The following SIK3 variants were observed in gnomAD, a reference collection of about 807,000 sequenced individuals.
SIK3 encodes SIK family kinase 3, also known as serine/threonine-protein kinase SIK3.
In SIK3, 28 loss-of-function variants were observed where a neutral mutation model predicts 144.2. That is an observed-to-expected ratio of 0.19 (90% confidence interval 0.14 to 0.27). SIK3 has a LOEUF of 0.27. Among genes scored for constraint, SIK3 ranks in the 10% least tolerant of loss-of-function variants. The pLI, the probability that SIK3 is intolerant of heterozygous loss-of-function variation, is 1.00. For synonymous variants in SIK3, 686 were observed against 676.3 expected (o/e 1.01, Z -0.22); for missense variants, 1,319 against 1,776.0 (o/e 0.74, Z 4.62).
At position 117,059,410 on chromosome 11, in the gene SIK3, C is replaced by G. The variant is rs183904673; in HGVS notation, c.273+38733G>C. Among the ~76,000 whole-genome samples, 633 of 123,196 alleles carry G rather than the reference C, an allele frequency of 5.1e-3. 4 individuals are homozygous for G. The highest frequency in any genetic ancestry group is 7.7e-3 in the Non-Finnish European group (369 of 47,820). 80.8% of individuals were successfully genotyped at this position (123,196 alleles called of 152,430 possible). ...TGTCTTGCTAAAAACAAAGCTTAAT[C>G]TATTTGTTTAGCCAAATAATTTTCA... is the stretch of plus-strand genomic sequence containing the variant. On this transcript the variant is annotated intron_variant, in intron 1 of 24. Coordinates refer to ENST00000445177, the MANE Select transcript of SIK3 (RefSeq NM_001366686.3).
At chr11:116,976,466 C>T (rs949059072) in intron 1 of SIK3, among the ~76,000 whole-genome samples, 1 of 152,254 alleles carries the variant, frequency 6.6e-6, no homozygotes, top group Non-Finnish European at 1.5e-5. Context: ...TATTCCAGCA[C>T]TGTTTGGTGA....
At position 116,862,310 on chromosome 11, in the gene SIK3, C is replaced by T. The variant is rs746082249; in HGVS notation, c.2121G>A (p.Gln707=). The change falls in exon 17 of 25, where the codon CAG becomes CAA. Residue 707 remains glutamine, a synonymous_variant. Transcript: ENST00000445177. Reference sequence around the variant, plus strand: ...CATCAATCTGCCCCCCGTACATCTTCTGCAGCTGCTCACACTCCTGAAGGG... The same window carrying T: ...CATCAATCTGCCCCCCGTACATCTTTTGCAGCTGCTCACACTCCTGAAGGG... ...KQLQQECEQL[Q]KMYGGQIDER... 1.9e-6 allele frequency: 3 copies of T among 1,614,208 alleles called. No homozygotes were observed. The Admixed American group carries it at 5.0e-5, about 27-fold the overall frequency.
At chr11:117,002,893 A>G (rs1421682010) in intron 1 of SIK3, among the ~76,000 whole-genome samples, 1 of 152,226 alleles carries the variant, frequency 6.6e-6, no homozygotes, top group African/African-American at 2.4e-5. Context: ...CTGTGAAATG[A>G]GGTGGAAGTT....
In SIK3 at chr11:116,849,156, CTGGAGGGCCCGGGGCCTGTGGTGCTCA is replaced by C. The variant is rs769801263; in HGVS notation, c.3756_3782del (p.His1252_Leu1260del). 4 of 1,611,564 alleles carry C rather than the reference CTGGAGGGCCCGGGGCCTGTGGTGCTCA, an allele frequency of 2.5e-6. No homozygotes were observed. In the Admixed American group the frequency reaches 6.7e-5, roughly 27 times the overall value. The stretch of plus-strand genomic sequence containing the variant: ...CGCTGTTCTGGATCGTGTGGTGTCT[CTGGAGGGCCCGGGGCCTGTGGTGCTCA>C]TGGACGGAGGGGCGTGCTGGGTACC... On this transcript the variant is annotated inframe_deletion, in exon 22 of 25. Transcript: ENST00000445177. The surrounding 1 kb of genome is among the most constrained non-coding windows in gnomAD (Gnocchi z 4.2).
chr11:116,911,264 T>C (rs1243115435), intron 4 of SIK3, among the ~76,000 whole-genome samples: 2 of 152,160 alleles, frequency 1.3e-5, no homozygotes, highest in African/African-American at 4.8e-5. Context: ...TCCCAGCACT[T>C]TGGGAGGCCG....
chr11:116,899,549 T>C lies in SIK3; in HGVS notation c.617-2232A>G, dbSNP rs1037777556. On this transcript the variant is annotated intron_variant, in intron 4 of 24. Transcript: ENST00000445177. ...AGTAGTTTATTCAAAAGGAAGAATA[T>C]GCAACTTATTTACAAACTGAAGCAA... Among the ~76,000 whole-genome samples the C allele has an allele frequency of 7.9e-5, 12 of 152,200 alleles. 1 individual carries two copies. Among genetic ancestry groups the C allele is most frequent in the Admixed American group, 2.6e-4 (4 of 15,278 alleles).
chr11:116,850,160 C>A (rs1942315206), intron 21 of SIK3, among the ~76,000 whole-genome samples: 1 of 152,210 alleles, frequency 6.6e-6, no homozygotes, highest in African/African-American at 2.4e-5. Flanking sequence ...CTCATGGAAA[C>A]CTGATTACCT....
intron 22 of SIK3, 124 bp downstream of exon 22, chr11:116,848,996 T>C (rs747623398): frequency 8.8e-7 from 1 of 1,138,728 alleles, no homozygotes; most frequent in Non-Finnish European, 1.2e-6. Flanking sequence ...TCCCCACCGT[T>C]TCCAGAAAGG....
intron 4 of SIK3, chr11:116,904,981 A>T (rs1003061043): frequency 6.0e-6 from 1 of 167,008 alleles, no homozygotes; most frequent in South Asian, 2.1e-4. Flanking sequence ...GATGACCACA[A>T]TCAGTTTTAG....
At position 116,859,377 on chromosome 11, in the gene SIK3, G is replaced by A. The variant is rs1483711039; in HGVS notation, c.2653C>T (p.Pro885Ser). The change falls in exon 20 of 25, where the codon CCC becomes TCC. Residue 885 changes from proline (P) to serine (S), a missense_variant. By Grantham distance (74) the Pro-to-Ser change is moderately conservative (BLOSUM62 -1). Coordinates refer to ENST00000445177, the MANE Select transcript of SIK3 (RefSeq NM_001366686.3). Reference sequence around the variant, plus strand: ...TGCATCTGCATCTGACCAGCACTGGGGCTGATGGAGATGCCGCGCCCACTG... The same window carrying A: ...TGCATCTGCATCTGACCAGCACTGGAGCTGATGGAGATGCCGCGCCCACTG... ...GSSGRGISISPSAGQMQMQHR... is the reference protein window; with the variant it reads ...GSSGRGISISSSAGQMQMQHR... 1 of 1,614,196 alleles carries A rather than the reference G, an allele frequency of 6.2e-7. No individual in the cohort carries two copies.
chr11:117,005,267 T>C (rs7114963), intron 1 of SIK3, among the ~76,000 whole-genome samples: 127,145 of 147,798 alleles, frequency 0.86, 55,086 homozygotes, highest in African/African-American at 0.9. Context: ...ACCCAGGAGG[T>C]GAAGGCTGCA....
intron 21 of SIK3, 151 bp downstream of exon 21, chr11:116,857,658 AC>A: frequency 7.4e-7 from 1 of 1,351,294 alleles, no homozygotes; most frequent in Non-Finnish European, 9.8e-7. Flanking sequence ...ACCAATACCC[AC>A]TTCCTACATG....
intron 1 of SIK3, among the ~76,000 whole-genome samples, chr11:117,018,900 A>C (rs1951648235): frequency 6.6e-6 from 1 of 151,260 alleles, no homozygotes; most frequent in Non-Finnish European, 1.5e-5. Context: ...TTAGTAGAGA[A>C]GGGGTTTCAC....
intron 1 of SIK3, among the ~76,000 whole-genome samples, chr11:117,027,762 CG>C (rs1384266621): frequency 6.6e-6 from 1 of 151,774 alleles, no homozygotes; most frequent in Non-Finnish European, 1.5e-5. Context: ...CCACTGTGCC[CG>C]GCCCAGGGAA....
chr11:116,878,953 C>A (rs761724725), intron 6 of SIK3, among the ~76,000 whole-genome samples: 1 of 152,114 alleles, frequency 6.6e-6, no homozygotes, highest in South Asian at 2.1e-4. Flanking sequence ...ATTGTCTTCA[C>A]GCAAATGATT....
At chr11:116,852,467 G>A (rs1425957281) in intron 21 of SIK3, among the ~76,000 whole-genome samples, 3 of 152,228 alleles carry the variant, frequency 2.0e-5, no homozygotes, top group African/African-American at 7.2e-5. Flanking sequence ...CTGGGGTCAG[G>A]AAGAGTTGGC....
At position 117,098,241 on chromosome 11, in the gene SIK3, T is replaced by G; in HGVS notation, c.175A>C (p.Met59Leu). 6.8e-7 allele frequency: 1 copy of G among 1,481,392 alleles called. No individual in the cohort carries two copies. Among genetic ancestry groups the G allele is most frequent in the Non-Finnish European group, 9.0e-7 (1 of 1,113,984 alleles). The allele number at this position is 1,481,392 out of a possible 1,614,324, so 91.8% of individuals were successfully genotyped here. Residue 59 changes from methionine to leucine, a missense_variant, in exon 1 of 25, where the codon ATG becomes CTG. Physicochemically the swap from Met to Leu is conservative, Grantham distance 15 (BLOSUM62 2). Around this residue, in one of 8 missense-constraint regions of SIK3, gnomAD observed 114 missense variants for 116.2 expected, o/e 0.98. Coordinates refer to ENST00000445177, the MANE Select transcript of SIK3 (RefSeq NM_001366686.3). ...TCGTAGTAGCCGATACGGGCGGGCA[T>G]GGGTCCGCGGGAGGCCGGGGCTGGG... ...RPPAPASRGP[M>L]PARIGYYEID...
chr11:116,857,639 C>G lies in SIK3; in HGVS notation c.3655+171G>C, dbSNP rs534393528. ...TGGTCCTTTGATTTTGAAAATGGAC[C>G]CCTTGCCCACCAATACCCACTTCCT... On this transcript the variant is annotated intron_variant, in intron 21 of 24. Transcript: ENST00000445177. The G allele has an allele frequency of 4.6e-6, 5 of 1,088,020 alleles. No individual in the cohort carries two copies. In the East Asian group the frequency reaches 1.4e-4, roughly 29 times the overall value. 67.4% of individuals were successfully genotyped at this position (1,088,020 alleles called of 1,614,324 possible).
chr11:116,911,848 T>C (rs2134961416), intron 4 of SIK3, among the ~76,000 whole-genome samples: 1 of 152,322 alleles, frequency 6.6e-6, no homozygotes, highest in African/African-American at 2.4e-5. Context: ...TGATATCCCT[T>C]ACTGCTTATT....
Sources: allele counts gnomAD v4.1 joint callset (sites outside exome capture counted in the v4.1 genomes callset), GRCh38; gene constraint gnomAD v4.1.1; regional missense constraint gnomAD v4.1.1; non-coding constraint Gnocchi (gnomAD v3.1); transcripts MANE v1.5; gene names NCBI Gene and HGNC (gene_info 2026-07-23, HGNC 2026-07-21).